PRPF8: variants seen among roughly 807,000 people sequenced by gnomAD.
PRPF8 encodes pre-mRNA-processing-splicing factor 8.
In PRPF8, 64 loss-of-function variants were observed where a neutral mutation model predicts 285.9. The ratio of observed to expected loss-of-function variants is 0.22; its 90% CI spans 0.18 to 0.28. The LOEUF (loss-of-function observed/expected upper bound fraction) is 0.28, where lower values mean the gene tolerates loss of function less well. Among genes scored for constraint, PRPF8 ranks in the 10% least tolerant of loss-of-function variants. PRPF8 has a pLI of 1.00. For missense variants in PRPF8, 1,426 were observed against 3,026.7 expected (o/e 0.47, Z 12.41); for synonymous variants, 1,325 against 1,118.2 (o/e 1.18, Z -3.69).
chr17:1,680,216 A>G (rs1454978873), intron 8 of PRPF8, among the ~76,000 whole-genome samples: 1 of 152,216 alleles, frequency 6.6e-6, no homozygotes. Context: ...CTATCATATG[A>G]AATGTGTAGA....
At chr17:1,681,382 A>G in intron 6 of PRPF8, 96 bp downstream of exon 6, 1 of 1,359,712 alleles carries the variant, frequency 7.4e-7, no homozygotes, top group Non-Finnish European at 1.1e-6. Context: ...ACCTGGTGTA[A>G]ACAGACTAAT....
At chr17:1,664,353 A>C (rs918687261) in intron 24 of PRPF8, among the ~76,000 whole-genome samples, 1 of 152,230 alleles carries the variant, frequency 6.6e-6, no homozygotes, top group Non-Finnish European at 1.5e-5. Context: ...AGTATACAAA[A>C]AATATCACTA....
Position 1,661,870 on chromosome 17 carries a change from C to A in PRPF8, c.4022+36G>T, listed in dbSNP as rs773631292. 3.1e-6 allele frequency: 5 copies of A among 1,614,144 alleles called. No individual in the cohort carries two copies. The East Asian group carries it at 8.9e-5, about 29-fold the overall frequency. ...ATACCCACTTCCCTTAGGGCCTGAGCAATAGGGTTTAGAAATACGTTGAAC... is the reference window on the plus strand; with the variant it reads ...ATACCCACTTCCCTTAGGGCCTGAGAAATAGGGTTTAGAAATACGTTGAAC... On this transcript the variant is annotated intron_variant, in intron 25 of 42. Transcript: ENST00000304992. This position sits in a 1 kb window ranked among gnomAD's most constrained non-coding sequence, Gnocchi z 7.3.
In PRPF8 at chr17:1,651,034, C is replaced by A; in HGVS notation, c.6853+74G>T. On this transcript the variant is annotated intron_variant, in intron 42 of 42. Coordinates refer to ENST00000304992, the MANE Select transcript of PRPF8 (RefSeq NM_006445.4). The surrounding 1 kb of genome is among the most constrained non-coding windows in gnomAD (Gnocchi z 5.1). ...CTGCGCCACCTCCAAGCCAGCCAGGCCCCAAGTGCAAAGGGCGATGGCCTC... is the reference window on the plus strand; with the variant it reads ...CTGCGCCACCTCCAAGCCAGCCAGGACCCAAGTGCAAAGGGCGATGGCCTC... The A allele has an allele frequency of 1.2e-6, 2 of 1,613,900 alleles. No individual in the cohort carries two copies. The highest frequency in any genetic ancestry group is 1.7e-6 in the Non-Finnish European group (2 of 1,179,788).
Position 1,661,331 on chromosome 17 carries a change from G to C in PRPF8, c.4278C>G (p.Asp1426Glu). 6.2e-7 allele frequency: 1 copy of C among 1,614,186 alleles called. No individual in the cohort carries two copies. Among genetic ancestry groups the C allele is most frequent in the East Asian group, 2.2e-5 (1 of 44,896 alleles). ...IPRINTLFQK[D>E]RHTLAYDKGW... ...CCTTATCATAAGCCAGTGTGTGCCG[G>C]TCCTTCTGGAAGAGGGTATTGATTC... The change falls in exon 27 of 43, where the codon GAC becomes GAG. Residue 1426 changes from aspartate to glutamate, a missense_variant. Physicochemically the swap from Asp to Glu is conservative, Grantham distance 45 (BLOSUM62 2). This residue lies in a region of PRPF8 where 40 missense variants were observed against 121.6 expected (regional missense o/e 0.33). Transcript: ENST00000304992. This position sits in a 1 kb window ranked among gnomAD's most constrained non-coding sequence, Gnocchi z 7.3.
chr17:1,655,328 T>A (rs757405928), intron 37 of PRPF8, 22 bp downstream of exon 37: 1 of 1,612,424 alleles, frequency 6.2e-7, no homozygotes, highest in Admixed American at 1.7e-5. Flanking sequence ...CTCCTGTCTG[T>A]GTCCCCACCA....
intron 1 of PRPF8, 50 bp downstream of exon 1, chr17:1,684,730 C>A: frequency 1.4e-6 from 1 of 727,184 alleles, no homozygotes; most frequent in Non-Finnish European, 2.4e-6. Flanking sequence ...GTCACTCGGC[C>A]CGACCCGACC....
In PRPF8 at chr17:1,651,366, C is replaced by G; in HGVS notation, c.6650+48G>C. The G allele has an allele frequency of 6.2e-7, 1 of 1,614,040 alleles. No individual in the cohort carries two copies. Among genetic ancestry groups the G allele is most frequent in the African/African-American group, 1.3e-5 (1 of 75,002 alleles). On this transcript the variant is annotated intron_variant, in intron 41 of 42. Transcript: ENST00000304992. The surrounding 1 kb of genome is among the most constrained non-coding windows in gnomAD (Gnocchi z 5.1). ...TCAGGCCACTGTTCTGGGCCCTGGC[C>G]TGCAATCCCTGCCCCACCATACTTC...
rs1479391155 is a variant in PRPF8, at chr17:1,661,024, T to C, written c.4477A>G (p.Thr1493Ala). The C allele has an allele frequency of 6.2e-7, 1 of 1,614,154 alleles. No homozygotes were observed. Among genetic ancestry groups the C allele is most frequent in the Non-Finnish European group, 8.5e-7 (1 of 1,180,034 alleles). ...AGCCCCTCCCAGGTAGGGAAGTAAG[T>C]GCCCTTAAAGAGTGTGTGTTCCAGA... is the stretch of plus-strand genomic sequence containing the variant. ...GILEHTLFKG[T>A]YFPTWEGLFW... The change falls in exon 28 of 43, where the codon ACT becomes GCT. Residue 1493 changes from threonine to alanine, a missense_variant. Thr to Ala is a moderately conservative substitution (Grantham distance 58). Transcript: ENST00000304992. This position sits in a 1 kb window ranked among gnomAD's most constrained non-coding sequence, Gnocchi z 7.3.
Position 1,681,899 on chromosome 17 carries a change from G to C in PRPF8, c.574C>G (p.Gln192Glu). The change falls in exon 5 of 43, where the codon CAG (glutamine) becomes GAG (glutamate). Residue 192 changes from glutamine to glutamate, a missense_variant. Gln to Glu is a conservative substitution (Grantham distance 29). Coordinates refer to ENST00000304992, the MANE Select transcript of PRPF8 (RefSeq NM_006445.4). ...ILDVEPLEAIQLELDPEEDAP... is the reference protein window; with the variant it reads ...ILDVEPLEAIELELDPEEDAP... ...TCCTCCTCAGGGTCCAGCTCTAGCT[G>C]AATGGCCTCCAGTGGCTCAACATCT... The C allele has an allele frequency of 6.2e-7, 1 of 1,613,994 alleles. No homozygotes were observed. The highest frequency in any genetic ancestry group is 8.5e-7 in the Non-Finnish European group (1 of 1,179,996).
chr17:1,664,540 C>T (rs1313692418), intron 24 of PRPF8, among the ~76,000 whole-genome samples: 1 of 152,122 alleles, frequency 6.6e-6, no homozygotes, highest in Non-Finnish European at 1.5e-5. Context: ...GGTGCAGTAG[C>T]TCATGCCCGT....
In PRPF8 at chr17:1,675,370, G is replaced by C. The variant is rs370131962; in HGVS notation, c.2873-31C>G. On this transcript the variant is annotated intron_variant, in intron 19 of 42. Coordinates refer to ENST00000304992, the MANE Select transcript of PRPF8 (RefSeq NM_006445.4). This position sits in a 1 kb window ranked among gnomAD's most constrained non-coding sequence, Gnocchi z 6.0. ...GAGTAGCAAGGCAGGTCTCCAGCAG[G>C]TTAGAAATCCTCTTGCAAGACTAGC... 4.3e-6 allele frequency: 7 copies of C among 1,612,710 alleles called. No homozygotes were observed. The highest frequency in any genetic ancestry group is 5.1e-6 in the Non-Finnish European group (6 of 1,179,032).
chr17:1,678,483 C>CA lies in PRPF8; in HGVS notation c.1854+34dup, dbSNP rs752661151. On this transcript the variant is annotated intron_variant, in intron 13 of 42. Coordinates refer to ENST00000304992, the MANE Select transcript of PRPF8 (RefSeq NM_006445.4). ...AAGAGACAAGAGTAAGACTCTGTCT[C>CA]AAAAAAAAGAAAGTCAGTAAAGTCA... 3.2e-5 allele frequency: 52 copies of CA among 1,612,464 alleles called. 1 individual carries two copies. In the South Asian group the frequency reaches 4.6e-4, roughly 14 times the overall value.
chr17:1,674,337 A>T, intron 21 of PRPF8, 105 bp downstream of exon 21: 3 of 1,201,870 alleles, frequency 2.5e-6, no homozygotes, highest in African/African-American at 1.5e-5. Context: ...ATTCCATTTT[A>T]AAGCCCCAAC....
rs1912814332 is a variant in PRPF8 at position 1,679,876 on chromosome 17, G to A, written c.1099-77C>T. On this transcript the variant is annotated intron_variant, in intron 8 of 42. Coordinates refer to ENST00000304992, the MANE Select transcript of PRPF8 (RefSeq NM_006445.4). The surrounding 1 kb of genome is among the most constrained non-coding windows in gnomAD (Gnocchi z 4.7). ...CTTAAGATGAGGGAAATTCTCTGGG[G>A]CCAAGCACAAAGCCTGTATCTGCTA... 1 of 1,538,950 alleles carries A rather than the reference G, an allele frequency of 6.5e-7. No homozygotes were observed. Among genetic ancestry groups the A allele is most frequent in the Non-Finnish European group, 9.0e-7 (1 of 1,111,702 alleles).
Position 1,653,414 on chromosome 17 carries a change from T to C in PRPF8, c.6369+128A>G, listed in dbSNP as rs1567675362. 7.4e-7 allele frequency: 1 copy of C among 1,345,450 alleles called. No individual in the cohort carries two copies. The highest frequency in any genetic ancestry group is 1.1e-6 in the Non-Finnish European group (1 of 951,414). The allele number at this position is 1,345,450 out of a possible 1,614,324, so 83.3% of individuals were successfully genotyped here. On this transcript the variant is annotated intron_variant, in intron 39 of 42. Coordinates refer to ENST00000304992, the MANE Select transcript of PRPF8 (RefSeq NM_006445.4). This position sits in a 1 kb window ranked among gnomAD's most constrained non-coding sequence, Gnocchi z 4.9. ...AAAACCCACCTCGTTGTTTTGGCTA[T>C]CCTTGTATAATTACTCATCCATGAA...
Position 1,661,231 on chromosome 17 carries a change from G to C in PRPF8, c.4338+40C>G. On this transcript the variant is annotated intron_variant, in intron 27 of 42. Transcript: ENST00000304992. This position sits in a 1 kb window ranked among gnomAD's most constrained non-coding sequence, Gnocchi z 7.3. ...GCCCCAAGTTTCGGGGATAGCCATG[G>C]ATTTTCCTGACTCAGGGAAAATCTG... The C allele has an allele frequency of 6.2e-7, 1 of 1,614,092 alleles. No homozygotes were observed. The highest frequency in any genetic ancestry group is 8.5e-7 in the Non-Finnish European group (1 of 1,180,016).
chr17:1,660,887 C>A, intron 28 of PRPF8, 60 bp from the exon 29 acceptor site: 3 of 1,612,814 alleles, frequency 1.9e-6, no homozygotes, highest in Non-Finnish European at 2.5e-6. Context: ...CACTGCTAAC[C>A]TCCTGGAGGT....
intron 2 of PRPF8, 42 bp from the exon 3 acceptor site, chr17:1,683,743 C>T (rs1913067668): frequency 6.2e-7 from 1 of 1,610,656 alleles, no homozygotes; most frequent in Admixed American, 1.7e-5. Context: ...CACCCTCCCC[C>T]TAATCCTCTT....
Sources: allele counts gnomAD v4.1 joint callset (sites outside exome capture counted in the v4.1 genomes callset), GRCh38; gene constraint gnomAD v4.1.1; regional missense constraint gnomAD v4.1.1; non-coding constraint Gnocchi (gnomAD v3.1); transcripts MANE v1.5; gene names NCBI Gene and HGNC (gene_info 2026-07-23, HGNC 2026-07-21).